Variants in FRMD4A observed in about 807,000 individuals in gnomAD.
FRMD4A encodes FERM domain-containing protein 4A.
Under a neutral mutation model 129.1 loss-of-function variants are expected in FRMD4A, and 29 were observed. The observed-to-expected ratio is 0.22, with a 90% CI of 0.17 to 0.31. The LOEUF is 0.31. Ranked by LOEUF, FRMD4A falls within the 10% of genes least tolerant of loss-of-function variation. FRMD4A has a pLI of 1.00. For missense variants in FRMD4A, 1,272 were observed against 1,375.8 expected, an observed-to-expected ratio of 0.92 and a Z score of 1.19; for synonymous variants, 634 against 571.6, an observed-to-expected ratio of 1.11 and a Z score of -1.56.
chr10:14,132,452 G>A (rs1022890996), intron 2 of FRMD4A, among the ~76,000 whole-genome samples: 3 of 152,192 alleles, frequency 2.0e-5, no homozygotes, highest in African/African-American at 7.2e-5. Context: ...GGGGTCTCCT[G>A]GGAGCAGACA....
chr10:14,245,530 C>T (rs909022047), intron 2 of FRMD4A, among the ~76,000 whole-genome samples: 1 of 152,120 alleles, frequency 6.6e-6, no homozygotes, highest in African/African-American at 2.4e-5. Context: ...ACCCCCCAAA[C>T]TCATCTGTTG....
chr10:13,836,061 G>C (rs772714126), intron 3 of FRMD4A, among the ~76,000 whole-genome samples: 6 of 152,284 alleles, frequency 3.9e-5, no homozygotes, highest in Middle Eastern at 3.4e-3. Context: ...GCAGTGGCAC[G>C]ATCTCAGCTC....
chr10:14,282,066 A>C (rs528784974), intron 2 of FRMD4A, among the ~76,000 whole-genome samples: 3 of 152,348 alleles, frequency 2.0e-5, no homozygotes, highest in African/African-American at 7.2e-5. Context: ...AGAAAGAATG[A>C]GAACCAAGCA....
rs377346629 is a variant in FRMD4A, at chr10:13,656,889, T to A, written c.2700A>T (p.Arg900=). Residue 900 remains arginine (R), a synonymous_variant, in exon 22 of 25, where the codon CGA becomes CGT. Coordinates refer to ENST00000357447, the MANE Select transcript of FRMD4A (RefSeq NM_018027.5). The part of the protein sequence containing the change: ...EGDTGRLTPS[R]SQILRTPSLG... ...GCGACGGAGTCCGCAGGATCTGCGA[T>A]CGCGACGGCGTCAGGCGGCCCGTGT... 7.4e-5 allele frequency: 109 copies of A among 1,479,908 alleles called. No homozygotes were observed. Among genetic ancestry groups the A allele is most frequent in the Non-Finnish European group, 9.6e-5 (108 of 1,121,540 alleles). The allele number at this position is 1,479,908 out of a possible 1,614,324, so 91.7% of individuals were successfully genotyped here. A position where few individuals can be genotyped will look rare whatever the true frequency, so the allele number is the denominator to read the frequency against.
intron 2 of FRMD4A, among the ~76,000 whole-genome samples, chr10:14,148,373 A>G (rs548017225): frequency 3.3e-5 from 5 of 152,358 alleles, no homozygotes; most frequent in African/African-American, 1.2e-4. Flanking sequence ...CATCATCTCA[A>G]CCAGGAACTT....
intron 2 of FRMD4A, among the ~76,000 whole-genome samples, chr10:14,184,158 C>G (rs1237933918): frequency 1.8e-5 from 2 of 112,192 alleles, no homozygotes; most frequent in African/African-American, 6.7e-5. Context: ...TTGAGAGAGT[C>G]TCACTCTCTG....
At chr10:13,964,715 A>C (rs958406218) in intron 2 of FRMD4A, among the ~76,000 whole-genome samples, 1 of 144,868 alleles carries the variant, frequency 6.9e-6, no homozygotes, top group East Asian at 2.0e-4. Flanking sequence ...CTCTGTCACC[A>C]GGCTGGAGTG....
chr10:14,227,489 T>C (rs1843485283), intron 2 of FRMD4A, among the ~76,000 whole-genome samples: 1 of 151,970 alleles, frequency 6.6e-6, no homozygotes. Flanking sequence ...TGACCTCAAG[T>C]GATCCACCCA....
At chr10:13,709,633 A>G (rs117775509) in intron 12 of FRMD4A, among the ~76,000 whole-genome samples, 1,747 of 152,108 alleles carry the variant, frequency 0.011, 69 homozygotes, top group South Asian at 0.11. Flanking sequence ...TGTGGATGGT[A>G]CTTCAATGAA....
rs558454057 is a variant in FRMD4A, at chr10:13,666,248, A to C, written c.1452T>G (p.Ser484Arg). ...QITEAARRLA[S>R]DPNVSKKLKK... ...TCAGTTTTTTGCTGACGTTGGGGTC[A>C]CTGGCTAGGCGGCGGGCGGCCTCCG... The change falls in exon 18 of 25, where the codon AGT (serine) becomes AGG (arginine). Residue 484 changes from serine (S) to arginine (R), a missense_variant. Physicochemically the swap from Ser to Arg is moderately radical, Grantham distance 110 (BLOSUM62 -1). This residue lies in a region of FRMD4A where 972 missense variants were observed against 892.3 expected (regional missense o/e 1.09). Transcript: ENST00000357447. 69 of 1,614,154 alleles carry C rather than the reference A, an allele frequency of 4.3e-5. No homozygotes were observed. In the South Asian group the frequency reaches 7.0e-4, roughly 16 times the overall value.
intron 2 of FRMD4A, among the ~76,000 whole-genome samples, chr10:14,094,713 T>C (rs1414096895): frequency 6.6e-6 from 1 of 152,186 alleles, no homozygotes; most frequent in Admixed American, 6.5e-5. Context: ...GGTGACTCTG[T>C]TCTGTCCAGG....
chr10:13,953,379 T>G (rs1450596091), intron 2 of FRMD4A, among the ~76,000 whole-genome samples: 2 of 152,254 alleles, frequency 1.3e-5, no homozygotes, highest in African/African-American at 4.8e-5. Context: ...TCTAGAGTTT[T>G]GCTTTCCAAG....
intron 2 of FRMD4A, among the ~76,000 whole-genome samples, chr10:13,921,208 CTCTT>C (rs942786753): frequency 3.3e-5 from 5 of 152,028 alleles, no homozygotes; most frequent in African/African-American, 1.2e-4. Flanking sequence ...AGTTTTCTCT[CTCTT>C]TTTCTTTCTT....
At chr10:14,285,070 G>T (rs1242944316) in intron 2 of FRMD4A, among the ~76,000 whole-genome samples, 4 of 152,220 alleles carry the variant, frequency 2.6e-5, no homozygotes, top group Non-Finnish European at 5.9e-5. Flanking sequence ...TTTTGAATTT[G>T]CAATAATCTA....
chr10:14,045,938 T>C (rs944945026), intron 2 of FRMD4A, among the ~76,000 whole-genome samples: 1 of 148,178 alleles, frequency 6.7e-6, no homozygotes, highest in Admixed American at 6.8e-5. Flanking sequence ...TTAATACATA[T>C]TCAATTTTAT....
chr10:13,831,045 C>T lies in FRMD4A; in HGVS notation c.112-20137G>A, dbSNP rs1040670386. On this transcript the variant is annotated intron_variant, in intron 3 of 24. Transcript: ENST00000357447. ...CCTCAAGTGATCCACCTGCCTTGGC[C>T]TCCCAAAGTGCTAGGATTATAGGTG... Among the ~76,000 whole-genome samples the T allele has an allele frequency of 7.9e-5, 12 of 152,186 alleles. No individual in the cohort carries two copies. The East Asian group carries it at 2.3e-3, about 29-fold the overall frequency.
chr10:14,185,148 C>T (rs1391157177), intron 2 of FRMD4A, among the ~76,000 whole-genome samples: 3 of 152,204 alleles, frequency 2.0e-5, no homozygotes, highest in Non-Finnish European at 4.4e-5. Flanking sequence ...AGGCATATAG[C>T]TCAGAAAGAA....
intron 2 of FRMD4A, among the ~76,000 whole-genome samples, chr10:14,259,227 T>C (rs906986867): frequency 4.6e-5 from 7 of 152,204 alleles, no homozygotes; most frequent in Non-Finnish European, 1.0e-4. Context: ...GAAGTACTTG[T>C]AATAAGAATG....
chr10:13,919,153 A>G (rs1269023929), intron 2 of FRMD4A, among the ~76,000 whole-genome samples: 1 of 152,182 alleles, frequency 6.6e-6, no homozygotes, highest in East Asian at 1.9e-4. Flanking sequence ...GAATAAGTAC[A>G]GTTGATGTGT....
Sources: gnomAD v4.1 joint callset for allele counts (sites outside exome capture counted in the v4.1 genomes callset) on GRCh38, gnomAD v4.1.1 for gene constraint, gnomAD v4.1.1 regional missense constraint, MANE v1.5 for transcripts, NCBI Gene and HGNC (gene_info 2026-07-23, HGNC 2026-07-21) for gene names.